Variants in GNAS observed in about 807,000 individuals in gnomAD.
GNAS encodes protein ALEX.
Under a neutral mutation model 54.5 loss-of-function variants are expected in GNAS, and 8 were observed. The observed-to-expected ratio is 0.15, with a 90% CI of 0.09 to 0.26. The LOEUF (loss-of-function observed/expected upper bound fraction) is 0.26. Among genes scored for constraint, GNAS ranks in the 10% least tolerant of loss-of-function variants. GNAS has a pLI of 1.00. For synonymous variants in GNAS, 204 were observed against 191.4 expected (o/e 1.07, Z -0.54); for missense variants, 170 against 529.8 (o/e 0.32, Z 6.67).
chr20:58,859,665 C>T (rs1254218314), intron 1 of GNAS, among the ~76,000 whole-genome samples: 3 of 149,626 alleles, frequency 2.0e-5, no homozygotes, highest in South Asian at 2.1e-4. Context: ...CTCGCTCTAT[C>T]GCCCAGGCTG....
intron 1 of GNAS, chr20:58,892,128 T>TCGCTTG (rs1326676278): frequency 1.0e-6 from 1 of 964,880 alleles, no homozygotes; most frequent in Non-Finnish European, 1.2e-6. Flanking sequence ...TCAGTGTCTC[T>TCGCTTG]CTCTTGCTCT....
intron 2 of GNAS, among the ~76,000 whole-genome samples, chr20:58,897,243 C>A (rs1186176996): frequency 6.6e-6 from 1 of 152,166 alleles, no homozygotes; most frequent in Non-Finnish European, 1.5e-5. Context: ...TGACACACCC[C>A]TCGATAAAGC....
intron 1 of GNAS, chr20:58,892,173 CTT>C (rs1321258295): frequency 3.9e-5 from 38 of 962,910 alleles, no homozygotes; most frequent in Non-Finnish European, 4.7e-5. Flanking sequence ...CTCTTTCTCT[CTT>C]TTTCCGCGAG....
intron 3 of GNAS, 23 bp from the exon 4 acceptor site, chr20:58,903,508 T>G (rs377708596): frequency 1.4e-5 from 22 of 1,602,762 alleles, no homozygotes; most frequent in South Asian, 6.6e-5. Context: ...TATGATTTTC[T>G]TTTCTTTTCA....
At chr20:58,882,562 C>G (rs958027480) in intron 1 of GNAS, among the ~76,000 whole-genome samples, 1 of 152,192 alleles carries the variant, frequency 6.6e-6, no homozygotes, top group Non-Finnish European at 1.5e-5. Context: ...ACCTGTCACT[C>G]GAGCCAGTGT....
chr20:58,875,986 C>A (rs946625787), intron 1 of GNAS, among the ~76,000 whole-genome samples: 1 of 152,186 alleles, frequency 6.6e-6, no homozygotes, highest in South Asian at 2.1e-4. Context: ...AACAGCCCCC[C>A]CAACTGTCCT....
At chr20:58,901,686 G>C (rs941673275) in intron 3 of GNAS, among the ~76,000 whole-genome samples, 1 of 152,132 alleles carries the variant, frequency 6.6e-6, no homozygotes, top group Non-Finnish European at 1.5e-5. Flanking sequence ...GGAAGGGGGC[G>C]AGATGGGATC....
chr20:58,858,285 G>A (rs568389742), intron 1 of GNAS, among the ~76,000 whole-genome samples: 4 of 152,206 alleles, frequency 2.6e-5, no homozygotes, highest in South Asian at 2.1e-4. Context: ...TCTGTTGCTT[G>A]AAAAAATGTA....
At chr20:58,869,682 A>C (rs1271456114) in intron 1 of GNAS, among the ~76,000 whole-genome samples, 1 of 152,232 alleles carries the variant, frequency 6.6e-6, no homozygotes, top group Non-Finnish European at 1.5e-5. Flanking sequence ...TCATGCAAGT[A>C]TCATTGTGTT....
chr20:58,897,183 A>G (rs1026314578), intron 2 of GNAS, among the ~76,000 whole-genome samples: 9 of 152,328 alleles, frequency 5.9e-5, no homozygotes, highest in East Asian at 1.9e-4. Flanking sequence ...CATACGTGCT[A>G]TTGAGTAAGT....
At chr20:58,849,222 T>C (rs2086055425) in intron 1 of GNAS, among the ~76,000 whole-genome samples, 1 of 152,060 alleles carries the variant, frequency 6.6e-6, no homozygotes, top group Admixed American at 6.6e-5. Context: ...CAACAAAGAA[T>C]TGCCTGGCCC....
In GNAS at chr20:58,891,643, GC is replaced by G. The variant is rs1168523389; in HGVS notation, c.-80del. On this transcript the variant is annotated 5_prime_UTR_variant, in exon 1 of 13. Coordinates refer to ENST00000371085, the MANE Select transcript of GNAS (RefSeq NM_000516.7). The stretch of plus-strand genomic sequence containing the variant: ...GCGCCCGGCCCGCCCGCCCGGCGCT[GC>G]CCCGGCCCTCCCGGCCCGCGTGAGG... 1 of 967,154 alleles carries G rather than the reference GC, an allele frequency of 1.0e-6. No homozygotes were observed. Among genetic ancestry groups the G allele is most frequent in the Non-Finnish European group, 1.2e-6 (1 of 821,656 alleles). The allele number at this position is 967,154 out of a possible 1,614,324, so 59.9% of individuals were successfully genotyped here.
rs764923035 is a variant in GNAS at position 58,855,356 on chromosome 20, C to T, written c.43+14470C>T. 5.8e-6 allele frequency: 9 copies of T among 1,545,232 alleles called. No individual in the cohort carries two copies. The Admixed American group carries it at 5.9e-5, about 10-fold the overall frequency. On this transcript the variant is annotated intron_variant, in intron 1 of 12. Transcript: ENST00000306090. ...TAGGTAATGCGGCGGACTCTGCCTG[C>T]GGGCAGCAGGGCCGCCGGGGAACCG...
At chr20:58,888,196 A>G (rs573779364), upstream of GNAS, among the ~76,000 whole-genome samples, 5 of 152,284 alleles carry the variant, frequency 3.3e-5, no homozygotes, top group African/African-American at 7.2e-5. Context: ...TGGACTTTGC[A>G]TATCTGGGCT....
rs1034538909 is a variant in GNAS, at chr20:58,910,276, G to A, written c.971-58G>A. 30 of 1,364,750 alleles carry A rather than the reference G, an allele frequency of 2.2e-5. No individual in the cohort carries two copies. The African/African-American group carries it at 3.8e-4, about 17-fold the overall frequency. 84.5% of individuals were successfully genotyped at this position (1,364,750 alleles called of 1,614,324 possible). A position where few individuals can be genotyped will look rare whatever the true frequency, so the allele number is the denominator to read the frequency against. The stretch of plus-strand genomic sequence containing the variant: ...GACTTCAGGAGCTACAGAGATGCTA[G>A]CACCCCAGCTCTGCTTGAATTTTAA... On this transcript the variant is annotated intron_variant, in intron 11 of 12. Coordinates refer to ENST00000371085, the MANE Select transcript of GNAS (RefSeq NM_000516.7). This position sits in a 1 kb window ranked among gnomAD's most constrained non-coding sequence, Gnocchi z 5.8.
At chr20:58,862,700 G>A (rs964151006) in intron 1 of GNAS, among the ~76,000 whole-genome samples, 1 of 151,426 alleles carries the variant, frequency 6.6e-6, no homozygotes. Context: ...TTTACATTTT[G>A]TAAATAAAGG....
At chr20:58,902,035 T>C (rs6128461) in intron 3 of GNAS, among the ~76,000 whole-genome samples, 88,911 of 151,650 alleles carry the variant, frequency 0.59, 26,731 homozygotes, top group South Asian at 0.7. Flanking sequence ...ACTGGGACTC[T>C]CAAAAGATTA....
chr20:58,841,363 C>T lies in GNAS; in HGVS notation c.43+477C>T, dbSNP rs552246657. 5.0e-5 allele frequency: 51 copies of T among 1,029,890 alleles called. No individual in the cohort carries two copies. In the African/African-American group the frequency reaches 8.6e-4, roughly 17 times the overall value. The allele number at this position is 1,029,890 out of a possible 1,614,324, so 63.8% of individuals were successfully genotyped here. A position where few individuals can be genotyped will look rare whatever the true frequency, so the allele number is the denominator to read the frequency against. On this transcript the variant is annotated intron_variant, in intron 1 of 12. Transcript: ENST00000306090. The surrounding 1 kb of genome is among the most constrained non-coding windows in gnomAD (Gnocchi z 5.0). ...TGAGAGCAGCCGCGCTGTAGAGACA[C>T]CGTTGAAATGTGCGGAAAGTAATCT...
chr20:58,885,056 T>A (rs1035667139), intron 1 of GNAS: 1 of 152,264 alleles, frequency 6.6e-6, no homozygotes, highest in African/African-American at 2.4e-5. Context: ...CATTTAGGCT[T>A]CTAAAAGGAA....
Sources: allele counts gnomAD v4.1 joint callset (sites outside exome capture counted in the v4.1 genomes callset), GRCh38; gene constraint gnomAD v4.1.1; non-coding constraint Gnocchi (gnomAD v3.1); transcripts MANE v1.5; gene names NCBI Gene and HGNC (gene_info 2026-07-23, HGNC 2026-07-21).